Variants in C3orf20 observed in about 807,000 individuals in gnomAD.
C3orf20 encodes the protein uncharacterized protein C3orf20.
In C3orf20, 76 loss-of-function variants were observed where a neutral mutation model predicts 88.3. The ratio of observed to expected loss-of-function variants is 0.86; its 90% confidence interval spans 0.72 to 1.04. The LOEUF is 1.04. Ranked by LOEUF, C3orf20 falls within the 50% of genes least tolerant of loss-of-function variation. C3orf20 has a pLI of 0.00. For missense variants in C3orf20, 1,056 were observed against 1,123.3 expected (o/e 0.94, Z 0.86); for synonymous variants, 436 against 437.4 (o/e 1.00, Z 0.04).
At chr3:14,761,185 T>C (rs2035550165) in intron 14 of C3orf20, among the ~76,000 whole-genome samples, 1 of 151,386 alleles carries the variant, frequency 6.6e-6, no homozygotes, top group Admixed American at 6.6e-5. Flanking sequence ...GCTGCCCTCC[T>C]CAGGTTGCCC....
At chr3:14,733,131 A>G (rs2034594130) in intron 12 of C3orf20, among the ~76,000 whole-genome samples, 1 of 151,982 alleles carries the variant, frequency 6.6e-6, no homozygotes, top group African/African-American at 2.4e-5. Context: ...TCAATTTGCT[A>G]GTATTTTGTT....
Position 14,757,489 on chromosome 3 carries a change from G to C in C3orf20, c.2059G>C (p.Val687Leu). 1 of 1,613,756 alleles carries C rather than the reference G, an allele frequency of 6.2e-7. No individual in the cohort carries two copies. The highest frequency in any genetic ancestry group is 8.5e-7 in the Non-Finnish European group (1 of 1,180,004). ...CACCCGTGCTGGCTGCAAGTGCCTG[G>C]TGAAGGCGCCCCTGGTCTCTGACGT... is the stretch of plus-strand genomic sequence containing the variant. ...EDTRAGCKCL[V>L]KAPLVSDVEL... Residue 687 changes from valine (V) to leucine (L), a missense_variant, in exon 13 of 17, where the codon GTG becomes CTG. Val to Leu is a conservative substitution (Grantham distance 32, BLOSUM62 1). Coordinates refer to ENST00000253697, the MANE Select transcript of C3orf20 (RefSeq NM_032137.5).
intron 10 of C3orf20, 41 bp downstream of exon 10, chr3:14,721,825 G>A (rs2034174167): frequency 1.2e-6 from 2 of 1,609,588 alleles, no homozygotes; most frequent in Admixed American, 3.3e-5. Flanking sequence ...TGACCCCTGG[G>A]CATCTCAACG....
intron 6 of C3orf20, 105 bp downstream of exon 6, chr3:14,703,367 G>GT (rs2033358344): frequency 1.3e-6 from 2 of 1,545,502 alleles, no homozygotes; most frequent in South Asian, 2.4e-5. Flanking sequence ...ACAGAAGTGT[G>GT]TGAGACATGC....
At chr3:14,753,381 T>C (rs1223571113) in intron 12 of C3orf20, among the ~76,000 whole-genome samples, 2 of 152,154 alleles carry the variant, frequency 1.3e-5, no homozygotes, top group African/African-American at 4.8e-5. Flanking sequence ...GAGAAATACC[T>C]AATGTAAATG....
rs1175166614 is a variant in C3orf20 at position 14,706,551 on chromosome 3, C to T, written c.1160+1933C>T. 2.7e-5 allele frequency among the ~76,000 whole-genome samples: 3 copies of T among 113,078 alleles called. No homozygotes were observed. In the Admixed American group the frequency reaches 3.5e-4, roughly 13 times the overall value. The allele number at this position is 113,078 out of a possible 152,430, so 74.2% of individuals were successfully genotyped here. ...CTGAGCACCCTCCCACCCCCCACCC[C>T]CAAATGGTCTGAGAGATCACCCAAA... On this transcript the variant is annotated intron_variant, in intron 7 of 16. Coordinates refer to ENST00000253697, the MANE Select transcript of C3orf20 (RefSeq NM_032137.5).
In C3orf20 at chr3:14,685,804, A is replaced by G. The variant is rs74368966; in HGVS notation, c.625+1422A>G. On this transcript the variant is annotated intron_variant, in intron 4 of 16. Coordinates refer to ENST00000253697, the MANE Select transcript of C3orf20 (RefSeq NM_032137.5). ...TTTTTTTCTGGCTTTTTTTTCATTC[A>G]GCATATAATGTACTCTAGGTTCACT... 2.5e-3 allele frequency among the ~76,000 whole-genome samples: 367 copies of G among 147,594 alleles called. 3 individuals are homozygous for G. The highest frequency in any genetic ancestry group is 8.2e-3 in the African/African-American group (324 of 39,750).
chr3:14,734,526 C>G (rs2034643559), intron 12 of C3orf20, among the ~76,000 whole-genome samples: 3 of 151,902 alleles, frequency 2.0e-5, no homozygotes, highest in Non-Finnish European at 4.4e-5. Flanking sequence ...TTCTTTTTAA[C>G]ATTAAATTGT....
At position 14,704,574 on chromosome 3, in the gene C3orf20, C is replaced by T. The variant is rs1337759978; in HGVS notation, c.1116C>T (p.Ala372=). The change falls in exon 7 of 17, where the codon GCC becomes GCT. Residue 372 remains alanine, a synonymous_variant. Coordinates refer to ENST00000253697, the MANE Select transcript of C3orf20 (RefSeq NM_032137.5). ...HCQEGKAPKK[A]FKFHYTFYDG... is the part of the protein sequence containing the mutation. ...AAGAGGGGAAGGCACCCAAGAAGGC[C>T]TTCAAGTTTCATTACACCTTCTATG... is the stretch of plus-strand genomic sequence containing the variant. 1.9e-6 allele frequency: 3 copies of T among 1,614,002 alleles called. No homozygotes were observed. The highest frequency in any genetic ancestry group is 2.7e-5 in the African/African-American group (2 of 74,914).
At chr3:14,730,258 C>T (rs1428615257) in intron 12 of C3orf20, among the ~76,000 whole-genome samples, 1 of 152,024 alleles carries the variant, frequency 6.6e-6, no homozygotes, top group Non-Finnish European at 1.5e-5. Flanking sequence ...TTATAATAAT[C>T]GATTTTAGGC....
rs1283570119 is a variant in C3orf20, at chr3:14,728,604, C to G, written c.1856C>G (p.Thr619Ser). The part of the protein sequence containing the change: ...SGHLESSIAE[T>S]LKDEPESAPV... ...CACCTGGAATCCTCAATTGCAGAGA[C>G]TTTGAAGGATGAGCCTGAGTCTGCT... is the stretch of plus-strand genomic sequence containing the variant. Residue 619 changes from threonine to serine, a missense_variant, in exon 12 of 17, where the codon ACT (threonine) becomes AGT (serine). By Grantham distance (58) the Thr-to-Ser change is moderately conservative (BLOSUM62 1). Coordinates refer to ENST00000253697, the MANE Select transcript of C3orf20 (RefSeq NM_032137.5). The G allele has an allele frequency of 3.7e-6, 6 of 1,614,030 alleles. No individual in the cohort carries two copies. The African/African-American group carries it at 8.0e-5, about 22-fold the overall frequency.
chr3:14,701,195 G>A lies in C3orf20; in HGVS notation c.746-1935G>A, dbSNP rs1370803960. ...CTGGTCCCTGTTGGCAGGAGAAGTG[G>A]GGGAAGTGACCAGGAACCACTCAGG... On this transcript the variant is annotated intron_variant, in intron 5 of 16. Coordinates refer to ENST00000253697, the MANE Select transcript of C3orf20 (RefSeq NM_032137.5). The surrounding 1 kb of genome is among the most constrained non-coding windows in gnomAD (Gnocchi z 4.6). 6.6e-6 allele frequency among the ~76,000 whole-genome samples: 1 copy of A among 152,106 alleles called. No individual in the cohort carries two copies. Among genetic ancestry groups the A allele is most frequent in the African/African-American group, 2.4e-5 (1 of 41,416 alleles).
chr3:14,721,507 AGC>A, intron 9 of C3orf20, 144 bp from the exon 10 acceptor site: 1 of 1,169,500 alleles, frequency 8.6e-7, no homozygotes, highest in Non-Finnish European at 1.2e-6. Context: ...TTCTCCATGA[AGC>A]GGAATTCTAA....
At chr3:14,691,789 A>G (rs1275714120) in intron 5 of C3orf20, among the ~76,000 whole-genome samples, 1 of 152,166 alleles carries the variant, frequency 6.6e-6, no homozygotes, top group Non-Finnish European at 1.5e-5. Flanking sequence ...TAGTCATTTA[A>G]AAATATATAA....
chr3:14,768,091 C>T lies in C3orf20; in HGVS notation c.2496-3976C>T, dbSNP rs1010569298. ...TGGGAGGGGAAGCTCTTTACAGCTGCGCCACTTGGTAGCACCCCTGCCCCT... is the reference window on the plus strand; with the variant it reads ...TGGGAGGGGAAGCTCTTTACAGCTGTGCCACTTGGTAGCACCCCTGCCCCT... On this transcript the variant is annotated intron_variant, in intron 15 of 16. Transcript: ENST00000253697. This position sits in a 1 kb window ranked among gnomAD's most constrained non-coding sequence, Gnocchi z 4.1. Among the ~76,000 whole-genome samples the T allele has an allele frequency of 4.6e-5, 7 of 152,294 alleles. No homozygotes were observed. Among genetic ancestry groups the T allele is most frequent in the South Asian group, 4.2e-4 (2 of 4,818 alleles).
intron 15 of C3orf20, among the ~76,000 whole-genome samples, chr3:14,763,781 G>T (rs150412574): frequency 1.3e-5 from 2 of 152,212 alleles, no homozygotes; most frequent in East Asian, 3.9e-4. Context: ...GATTAGAGGA[G>T]TCAGCACATG....
intron 12 of C3orf20, among the ~76,000 whole-genome samples, chr3:14,753,547 T>A (rs192891977): frequency 6.6e-6 from 1 of 152,358 alleles, no homozygotes; most frequent in East Asian, 1.9e-4. Flanking sequence ...GTCCAATATC[T>A]GGGTTTCCTT....
intron 4 of C3orf20, among the ~76,000 whole-genome samples, 193 bp downstream of exon 4, chr3:14,684,575 G>T (rs758538903): frequency 1.3e-5 from 2 of 152,172 alleles, no homozygotes; most frequent in Non-Finnish European, 2.9e-5. Flanking sequence ...TGGTTTGGCG[G>T]TATCTGCTGA....
intron 5 of C3orf20, among the ~76,000 whole-genome samples, chr3:14,694,832 C>T (rs988469615): frequency 9.2e-5 from 14 of 152,024 alleles, no homozygotes; most frequent in African/African-American, 3.4e-4. Context: ...CTCTGTTGCC[C>T]CAGGCTGGAG....
Sources: allele counts gnomAD v4.1 joint callset (sites outside exome capture counted in the v4.1 genomes callset), GRCh38; gene constraint gnomAD v4.1.1; non-coding constraint Gnocchi (gnomAD v3.1); transcripts MANE v1.5; gene names NCBI Gene and HGNC (gene_info 2026-07-23, HGNC 2026-07-21).